The following BHMT variants were observed in gnomAD, a reference collection of about 807,000 sequenced individuals.
The protein encoded by BHMT is betaine--homocysteine S-methyltransferase.
Under a neutral mutation model 49.5 loss-of-function variants are expected in BHMT, and 38 were observed. That is an observed-to-expected ratio of 0.77 (90% CI 0.59 to 1.01). The LOEUF is 1.01. Among genes scored for constraint, BHMT ranks in the 50% least tolerant of loss-of-function variants. The pLI is 0.00. For synonymous variants in BHMT, 166 were observed against 176.3 expected, an observed-to-expected ratio of 0.94 and a Z score of 0.46; for missense variants, 426 against 495.7, an observed-to-expected ratio of 0.86 and a Z score of 1.34.
chr5:79,119,326 G>C lies in BHMT; in HGVS notation c.234G>C (p.Ala78=). 1.2e-6 allele frequency: 2 copies of C among 1,614,096 alleles called. No homozygotes were observed. The highest frequency in any genetic ancestry group is 1.1e-5 in the South Asian group (1 of 91,084). Residue 78 remains alanine (A), a synonymous_variant, in exon 3 of 8, where the codon GCG becomes GCC. Coordinates refer to ENST00000274353, the MANE Select transcript of BHMT (RefSeq NM_001713.3). ...TCATGCAGACCTTCACCTTCTATGCGAGTGAAGACAAGCTGGAGAACAGGG... is the reference window on the plus strand; with the variant it reads ...TCATGCAGACCTTCACCTTCTATGCCAGTGAAGACAAGCTGGAGAACAGGG... ...SNVMQTFTFY[A]SEDKLENRGN...
chr5:79,126,229 G>A lies in BHMT; in HGVS notation c.808+1G>A, dbSNP rs200257007. On this transcript the variant is annotated splice_donor_variant, in intron 6 of 7. Coordinates refer to ENST00000274353, the MANE Select transcript of BHMT (RefSeq NM_001713.3). LOFTEE classifies it high-confidence loss of function. ...ATCGATCTCCCAGAATTCCCATTTGGTAAGACCAACATTTGATGAATCATC... is the reference window on the plus strand; with the variant it reads ...ATCGATCTCCCAGAATTCCCATTTGATAAGACCAACATTTGATGAATCATC... 1.2e-6 allele frequency: 2 copies of A among 1,613,408 alleles called. No individual in the cohort carries two copies. Among genetic ancestry groups the A allele is most frequent in the East Asian group, 2.2e-5 (1 of 44,856 alleles).
rs767239857 is a variant in BHMT at position 79,120,340 on chromosome 5, C to T, written c.286-10C>T. The T allele has an allele frequency of 4.4e-6, 7 of 1,598,188 alleles. No homozygotes were observed. In the African/African-American group the frequency reaches 6.8e-5, roughly 15 times the overall value. ...AAAATTTAGATGTCTCATATACTCA[C>T]CCATTTTAGGGGCAGGAAGTCAATG... is the stretch of plus-strand genomic sequence containing the variant. On this transcript the variant is annotated splice_polypyrimidine_tract_variant and intron_variant, in intron 3 of 7. Transcript: ENST00000274353.
chr5:79,113,574 G>A (rs1212953005), intron 1 of BHMT, among the ~76,000 whole-genome samples: 3 of 152,156 alleles, frequency 2.0e-5, no homozygotes, highest in Non-Finnish European at 2.9e-5. Context: ...TATAAACAAT[G>A]AGGGAAAGCA....
intron 5 of BHMT, among the ~76,000 whole-genome samples, chr5:79,124,321 TGAGGATCGC>T (rs1388770746): frequency 6.6e-6 from 1 of 151,990 alleles, no homozygotes; most frequent in African/African-American, 2.4e-5. Context: ...GGCAAAGGTG[TGAGGATCGC>T]TTGAGGCCAG....
intron 2 of BHMT, chr5:79,116,216 AC>A (rs1266235767): frequency 5.6e-6 from 1 of 178,240 alleles, no homozygotes; most frequent in Non-Finnish European, 1.2e-5. Context: ...ATTGATGGAA[AC>A]CCCTGAAGAG....
chr5:79,117,462 G>A (rs1171566367), intron 2 of BHMT, among the ~76,000 whole-genome samples: 1 of 152,068 alleles, frequency 6.6e-6, no homozygotes, highest in Non-Finnish European at 1.5e-5. Context: ...CGCTAATTTA[G>A]GGATGCTTTT....
chr5:79,116,082 G>T (rs1756383030), intron 2 of BHMT, 183 bp downstream of exon 2: 1 of 607,644 alleles, frequency 1.6e-6, no homozygotes, highest in Non-Finnish European at 2.5e-6. Flanking sequence ...GCTGGACATG[G>T]TGGTGCACTC....
Position 79,126,058 on chromosome 5 carries a change from T to C in BHMT, c.638T>C (p.Ile213Thr), listed in dbSNP as rs761782562. The C allele has an allele frequency of 7.5e-6, 12 of 1,601,704 alleles. No homozygotes were observed. In the African/African-American group the frequency reaches 1.6e-4, roughly 21 times the overall value. The change falls in exon 6 of 8, where the codon ATT becomes ACT. Residue 213 changes from isoleucine to threonine, a missense_variant. Ile to Thr is a moderately conservative substitution (Grantham distance 89). Coordinates refer to ENST00000274353, the MANE Select transcript of BHMT (RefSeq NM_001713.3). The part of the protein sequence containing the change: ...VRLVKAGASI[I>T]GVNCHFDPTI... ...TTCCCACTCACAGGAGCATCCATCATTGGTGTGAACTGCCACTTTGACCCC... is the reference window on the plus strand; with the variant it reads ...TTCCCACTCACAGGAGCATCCATCACTGGTGTGAACTGCCACTTTGACCCC...
rs148794862 is a variant in BHMT, at chr5:79,113,053, G to T, written c.33+1135G>T. 8.6e-3 allele frequency among the ~76,000 whole-genome samples: 1,316 copies of T among 152,318 alleles called. 10 individuals carry two copies. Among genetic ancestry groups the T allele is most frequent in the Non-Finnish European group, 0.013 (880 of 68,040 alleles). On this transcript the variant is annotated intron_variant, in intron 1 of 7. Transcript: ENST00000274353. ...CAGTGCCTGCCCTGCTGGAGAACCA[G>T]CTGAGGTGTGCCCAGTTTCTAAAGG...
intron 2 of BHMT, among the ~76,000 whole-genome samples, chr5:79,118,104 C>T (rs1340987002): frequency 6.6e-6 from 1 of 152,128 alleles, no homozygotes; most frequent in African/African-American, 2.4e-5. Context: ...TATTTTAAAA[C>T]AAATGATAAT....
At position 79,126,039 on chromosome 5, in the gene BHMT, C is replaced by T; in HGVS notation, c.626-7C>T. The T allele has an allele frequency of 1.9e-6, 3 of 1,593,166 alleles. No individual in the cohort carries two copies. The highest frequency in any genetic ancestry group is 2.6e-6 in the Non-Finnish European group (3 of 1,162,844). On this transcript the variant is annotated splice_region_variant and splice_polypyrimidine_tract_variant and intron_variant, in intron 5 of 7. Transcript: ENST00000274353. ...CCCTAAGTCTATCATGTTCTTCCCA[C>T]TCACAGGAGCATCCATCATTGGTGT... is the stretch of plus-strand genomic sequence containing the variant.
rs1756431134 is a variant in BHMT, at chr5:79,119,312, T to A, written c.220T>A (p.Phe74Ile). ...AGCTGGCTCAAACGTCATGCAGACC[T>A]TCACCTTCTATGCGAGTGAAGACAA... ...LRAGSNVMQTFTFYASEDKLE... is the reference protein window; with the variant it reads ...LRAGSNVMQTITFYASEDKLE... The change falls in exon 3 of 8, where the codon TTC becomes ATC. Residue 74 changes from phenylalanine to isoleucine, a missense_variant. Coordinates refer to ENST00000274353, the MANE Select transcript of BHMT (RefSeq NM_001713.3). The A allele has an allele frequency of 6.2e-7, 1 of 1,613,990 alleles. No individual in the cohort carries two copies.
intron 4 of BHMT, 71 bp from the exon 5 acceptor site, chr5:79,121,147 T>G (rs1158186230): frequency 1.3e-6 from 2 of 1,519,016 alleles, no homozygotes; most frequent in East Asian, 4.6e-5. Context: ...CAAAACTCCG[T>G]CTCAAAAAAA....
rs1277899866 is a variant in BHMT at position 79,131,827 on chromosome 5, A to G, written c.*711A>G. On this transcript the variant is annotated 3_prime_UTR_variant, in exon 8 of 8. Transcript: ENST00000274353. ...TATGAGACCTGATCAATAAATATCC[A>G]ATACCCAGAGTCCTGCTCTCAGAGT... 1 of 152,136 alleles carries G rather than the reference A, an allele frequency of 6.6e-6. No individual in the cohort carries two copies. Among genetic ancestry groups the G allele is most frequent in the Non-Finnish European group, 1.5e-5 (1 of 68,032 alleles). 9.4% of individuals were successfully genotyped at this position (152,136 alleles called of 1,614,324 possible).
chr5:79,125,459 G>GA (rs538684708), intron 5 of BHMT, among the ~76,000 whole-genome samples: 69,411 of 104,450 alleles, frequency 0.66, 22,193 homozygotes, highest in Admixed American at 0.76. Context: ...CTGTGTCTCA[G>GA]AAAAAAAAAA....
rs577669891 is a variant in BHMT at position 79,115,645 on chromosome 5, T to G, written c.34-122T>G. ...ATAAATGTATATATAAAATATACAT[T>G]TTTCTCTGAAAATTCTAAAATAACC... On this transcript the variant is annotated intron_variant, in intron 1 of 7. Coordinates refer to ENST00000274353, the MANE Select transcript of BHMT (RefSeq NM_001713.3). The G allele has an allele frequency of 1.0e-4, 115 of 1,155,390 alleles. No homozygotes were observed. The African/African-American group carries it at 1.7e-3, about 17-fold the overall frequency. 71.6% of individuals were successfully genotyped at this position (1,155,390 alleles called of 1,614,324 possible). A position where few individuals can be genotyped will look rare whatever the true frequency, so the allele number is the denominator to read the frequency against.
intron 6 of BHMT, among the ~76,000 whole-genome samples, chr5:79,127,232 C>T (rs948584584): frequency 2.0e-5 from 3 of 152,158 alleles, no homozygotes; most frequent in Non-Finnish European, 4.4e-5. Context: ...GGATCTACTT[C>T]CTAGCTCACT....
intron 5 of BHMT, among the ~76,000 whole-genome samples, chr5:79,125,193 C>T (rs1386432855): frequency 6.6e-6 from 1 of 152,004 alleles, no homozygotes; most frequent in Non-Finnish European, 1.5e-5. Context: ...CATGGTGGCT[C>T]ACACCTGTAA....
chr5:79,118,009 A>T (rs796978131), intron 2 of BHMT, among the ~76,000 whole-genome samples: 6 of 152,342 alleles, frequency 3.9e-5, no homozygotes, highest in African/African-American at 1.4e-4. Flanking sequence ...CAAACCATTT[A>T]AGTCAGAATA....
Sources: gnomAD v4.1 joint callset for allele counts (sites outside exome capture counted in the v4.1 genomes callset) on GRCh38, gnomAD v4.1.1 for gene constraint, MANE v1.5 for transcripts, NCBI Gene and HGNC (gene_info 2026-07-23, HGNC 2026-07-21) for gene names.